Variants in DDX19B observed in about 807,000 individuals in gnomAD.
The protein encoded by DDX19B is DEAD-box helicase 19B.
DDX19B carries 27 observed loss-of-function variants against 58.1 expected under a neutral mutation model. That is an observed-to-expected ratio of 0.46 (90% CI 0.34 to 0.64). The LOEUF (loss-of-function observed/expected upper bound fraction) is 0.64. Ranked by LOEUF, DDX19B falls within the 30% of genes least tolerant of loss-of-function variation. DDX19B has a pLI of 0.01. For missense variants in DDX19B, 399 were observed against 596.5 expected (o/e 0.67, Z 3.45); for synonymous variants, 187 against 214.4 (o/e 0.87, Z 1.12).
At chr16:70,295,028 A>G (rs1961169364), upstream of DDX19B, 7 of 1,357,442 alleles carry the variant, frequency 5.2e-6, no homozygotes, top group Admixed American at 1.4e-4. Context: ...CTTCGGCCCA[A>G]GGTCTTAGCC....
rs1349409241 is a variant in DDX19B at position 70,299,202 on chromosome 16, G to A, written c.-96G>A. 5.6e-6 allele frequency: 8 copies of A among 1,426,872 alleles called. No individual in the cohort carries two copies. The highest frequency in any genetic ancestry group is 2.7e-5 in the East Asian group (1 of 36,994). 88.4% of individuals were successfully genotyped at this position (1,426,872 alleles called of 1,614,324 possible). A position where few individuals can be genotyped will look rare whatever the true frequency, so the allele number is the denominator to read the frequency against. On this transcript the variant is annotated 5_prime_UTR_variant, in exon 1 of 12. Coordinates refer to ENST00000288071, the MANE Select transcript of DDX19B (RefSeq NM_007242.7). ...TTCCGGTCTGCAGCCTTGTAGTGGG[G>A]CTGGAGCAGAGCCTGCCGCGAACCC...
intron 10 of DDX19B, 53 bp downstream of exon 10, chr16:70,331,937 A>T: frequency 6.3e-7 from 1 of 1,596,256 alleles, no homozygotes; most frequent in Non-Finnish European, 8.5e-7. Context: ...TCCCAGGCCC[A>T]GTTAGAGCCA....
upstream of DDX19B, chr16:70,298,916 G>C (rs1961331226): frequency 4.6e-6 from 1 of 216,338 alleles, no homozygotes; most frequent in Admixed American, 5.9e-5. Flanking sequence ...ATGGTTTTCT[G>C]TTTTGATATA....
chr16:70,331,927 T>C, intron 10 of DDX19B, 43 bp downstream of exon 10: 1 of 1,602,740 alleles, frequency 6.2e-7, no homozygotes, highest in African/African-American at 1.3e-5. Flanking sequence ...AGGCTTGGGG[T>C]CCCAGGCCCA....
At chr16:70,329,523 T>C in intron 8 of DDX19B, 54 bp downstream of exon 8, 1 of 1,606,066 alleles carries the variant, frequency 6.2e-7, no homozygotes, top group South Asian at 1.1e-5. Context: ...CAGTGTCTTC[T>C]CCCTTCACTT....
chr16:70,324,579 G>A lies in DDX19B; in HGVS notation c.390-6G>A. On this transcript the variant is annotated splice_polypyrimidine_tract_variant and splice_region_variant and intron_variant, in intron 5 of 11. Transcript: ENST00000288071. ...TAAGCTCCTAACTAGTTTGTTTCTTGCGCAGCCCACAGAACTTAATTGCCC... is the reference window on the plus strand; with the variant it reads ...TAAGCTCCTAACTAGTTTGTTTCTTACGCAGCCCACAGAACTTAATTGCCC... 1 of 1,611,394 alleles carries A rather than the reference G, an allele frequency of 6.2e-7. No individual in the cohort carries two copies. The highest frequency in any genetic ancestry group is 8.5e-7 in the Non-Finnish European group (1 of 1,179,356).
At chr16:70,329,258 C>T in intron 7 of DDX19B, 34 bp from the exon 8 acceptor site, 1 of 1,559,180 alleles carries the variant, frequency 6.4e-7, no homozygotes, top group Non-Finnish European at 8.8e-7. Context: ...GAAAGAAATA[C>T]CCACACATGG....
Position 70,325,676 on chromosome 16 carries a change from C to T in DDX19B, c.595C>T (p.Arg199Ter). Residue 199 changes from arginine to a stop codon, truncating the protein, a stop_gained, in exon 7 of 12, where the codon CGA becomes TGA. Transcript: ENST00000288071. LOFTEE classifies it high-confidence loss of function. ...TGAACTGAAGCTAGCTTATGCTGTTCGAGGCAATAAATGTGAGTATGTGAA... is the reference window on the plus strand; with the variant it reads ...TGAACTGAAGCTAGCTTATGCTGTTTGAGGCAATAAATGTGAGTATGTGAA... The part of the protein sequence containing the change: ...YPELKLAYAV[R>*]GNKLERGQKI... 1.2e-6 allele frequency: 2 copies of T among 1,610,914 alleles called. No homozygotes were observed. Among genetic ancestry groups the T allele is most frequent in the Non-Finnish European group, 1.7e-6 (2 of 1,178,166 alleles).
chr16:70,332,832 C>T, intron 10 of DDX19B, 136 bp from the exon 11 acceptor site: 1 of 1,520,954 alleles, frequency 6.6e-7, no homozygotes, highest in Non-Finnish European at 9.0e-7. Context: ...ATCTGGCTTC[C>T]TGCACTCAAT....
intron 5 of DDX19B, among the ~76,000 whole-genome samples, chr16:70,322,520 T>G (rs1195309423): frequency 7.3e-6 from 1 of 136,466 alleles, no homozygotes; most frequent in African/African-American, 2.8e-5. Context: ...ATCCGCATAG[T>G]GGCGGTTGCA....
chr16:70,311,762 T>G (rs1390130786), intron 1 of DDX19B, among the ~76,000 whole-genome samples: 2 of 152,200 alleles, frequency 1.3e-5, no homozygotes, highest in African/African-American at 4.8e-5. Flanking sequence ...AGGCTGCACA[T>G]CAGCATACTG....
intron 7 of DDX19B, among the ~76,000 whole-genome samples, chr16:70,326,895 C>T (rs1475243656): frequency 3.3e-5 from 5 of 151,546 alleles, no homozygotes; most frequent in Non-Finnish European, 7.4e-5. Flanking sequence ...AGAGCAGTGG[C>T]ACAGTCTTGG....
chr16:70,315,804 T>C (rs2152199084), intron 3 of DDX19B, 165 bp from the exon 4 acceptor site: 5 of 991,620 alleles, frequency 5.0e-6, no homozygotes, highest in Non-Finnish European at 7.0e-6. Context: ...CATAACTTTT[T>C]TCTTTAATAA....
Position 70,333,576 on chromosome 16 carries a change from C to T in DDX19B, c.1434C>T (p.Ala478=). The T allele has an allele frequency of 6.2e-7, 1 of 1,613,966 alleles. No homozygotes were observed. Among genetic ancestry groups the T allele is most frequent in the South Asian group, 1.1e-5 (1 of 91,080 alleles). The stretch of plus-strand genomic sequence containing the variant: ...ATTTGGACGAGATTGAGAAAATAGC[C>T]AACTGAGAAGCTCCACCAGCCACTG... ...TDDLDEIEKI[A]N Residue 478 remains alanine, a synonymous_variant, in exon 12 of 12, where the codon GCC becomes GCT. Transcript: ENST00000288071.
At chr16:70,299,771 C>T (rs369042494) in intron 1 of DDX19B, among the ~76,000 whole-genome samples, 1 of 152,106 alleles carries the variant, frequency 6.6e-6, no homozygotes, top group South Asian at 2.1e-4. Context: ...CTGGCCGCCC[C>T]GGTTTGTAAT....
chr16:70,320,910 C>A (rs539663850), intron 5 of DDX19B, among the ~76,000 whole-genome samples: 1 of 149,310 alleles, frequency 6.7e-6, no homozygotes, highest in Non-Finnish European at 1.5e-5. Flanking sequence ...CCAGGCTGGT[C>A]TCAAACCCCC....
At chr16:70,297,273 C>T (rs1961260790), upstream of DDX19B, among the ~76,000 whole-genome samples, 1 of 151,918 alleles carries the variant, frequency 6.6e-6, no homozygotes, top group South Asian at 2.1e-4. Flanking sequence ...AGTGTGATGG[C>T]ATGATCTCGG....
chr16:70,332,131 C>T (rs900400370), intron 10 of DDX19B, among the ~76,000 whole-genome samples: 12 of 152,192 alleles, frequency 7.9e-5, no homozygotes, highest in Non-Finnish European at 1.0e-4. Context: ...ACAGAGCCTG[C>T]TCTTCCAGGG....
rs948053040 is a variant in DDX19B at position 70,325,699 on chromosome 16, G to T, written c.607+11G>T. On this transcript the variant is annotated intron_variant, in intron 7 of 11. Coordinates refer to ENST00000288071, the MANE Select transcript of DDX19B (RefSeq NM_007242.7). ...TTCGAGGCAATAAATGTGAGTATGT[G>T]AATTTGGTCCTAAATCATCAACCTA... 1 of 1,581,142 alleles carries T rather than the reference G, an allele frequency of 6.3e-7. No homozygotes were observed. The highest frequency in any genetic ancestry group is 1.7e-5 in the Admixed American group (1 of 58,202).
Sources: allele counts gnomAD v4.1 joint callset (sites outside exome capture counted in the v4.1 genomes callset), GRCh38; gene constraint gnomAD v4.1.1; transcripts MANE v1.5; gene names NCBI Gene and HGNC (gene_info 2026-07-23, HGNC 2026-07-21).